Variants in SLX4IP observed in about 807,000 individuals in gnomAD.
SLX4IP encodes protein SLX4IP.
Under a neutral mutation model 32.9 loss-of-function variants are expected in SLX4IP, and 34 were observed. That is an observed-to-expected ratio of 1.03 (90% CI 0.79 to 1.38). The LOEUF is 1.38. Among genes scored for constraint, SLX4IP ranks in the 40% most tolerant of loss-of-function variants. The probability of loss-of-function intolerance (pLI) is 0.00; values close to 1 mark genes in which losing one functional copy is unlikely to be tolerated. For missense variants in SLX4IP, 444 were observed against 479.0 expected (o/e 0.93, Z 0.68); for synonymous variants, 172 against 171.7 (o/e 1.00, Z -0.01).
Position 10,623,072 on chromosome 20 carries a change from A to G in SLX4IP, c.920A>G (p.His307Arg), listed in dbSNP as rs781070119. The change falls in exon 8 of 8, where the codon CAC (histidine) becomes CGC (arginine). Residue 307 changes from histidine (H) to arginine (R), a missense_variant. Physicochemically the swap from His to Arg is conservative, Grantham distance 29. Transcript: ENST00000334534. ...TGCAGCTCTGCGGAAGACTTCGACC[A>G]CCACGGGAGAGTTTCTCTTGGAAGT... ...RNCSSAEDFD[H>R]HGRVSLGSDR... 1.2e-6 allele frequency: 2 copies of G among 1,614,110 alleles called. No homozygotes were observed. The highest frequency in any genetic ancestry group is 1.3e-5 in the African/African-American group (1 of 75,056).
At chr20:10,524,323 G>T (rs933910520) in intron 2 of SLX4IP, among the ~76,000 whole-genome samples, 1 of 152,236 alleles carries the variant, frequency 6.6e-6, no homozygotes, top group Non-Finnish European at 1.5e-5. Context: ...CTCAGGCTCT[G>T]TTTTTGTTCC....
At chr20:10,543,256 G>T (rs925429782) in intron 2 of SLX4IP, among the ~76,000 whole-genome samples, 2 of 152,180 alleles carry the variant, frequency 1.3e-5, no homozygotes, top group African/African-American at 4.8e-5. Context: ...CAACGTTTTT[G>T]ACCTGAACTG....
chr20:10,486,048 G>A (rs1299514146), intron 2 of SLX4IP, among the ~76,000 whole-genome samples: 2 of 152,144 alleles, frequency 1.3e-5, no homozygotes, highest in Middle Eastern at 3.4e-3. Context: ...AAAAATCTAG[G>A]TACAAATGGA....
intron 4 of SLX4IP, among the ~76,000 whole-genome samples, chr20:10,594,901 C>T (rs1600139849): frequency 6.6e-6 from 1 of 152,196 alleles, no homozygotes; most frequent in Admixed American, 6.5e-5. Flanking sequence ...ACCACCTCTC[C>T]ATTTTTTTTA....
At position 10,623,264 on chromosome 20, in the gene SLX4IP, T is replaced by C. The variant is rs762660848; in HGVS notation, c.1112T>C (p.Met371Thr). The C allele has an allele frequency of 1.9e-6, 3 of 1,614,018 alleles. No individual in the cohort carries two copies. The highest frequency in any genetic ancestry group is 2.7e-5 in the African/African-American group (2 of 74,892). ...GAAAGTCTCTCCTCCAGACATCTTA[T>C]GAAAAATAACCCAGGGCAGGCACAG... ...VLESLSSRHLMKNNPGQAQQT... is the reference protein window; with the variant it reads ...VLESLSSRHLTKNNPGQAQQT... Residue 371 changes from methionine to threonine, a missense_variant, in exon 8 of 8, where the codon ATG becomes ACG. By Grantham distance (81) the Met-to-Thr change is moderately conservative. Coordinates refer to ENST00000334534, the MANE Select transcript of SLX4IP (RefSeq NM_001009608.3).
intron 6 of SLX4IP, chr20:10,614,112 T>C: frequency 6.6e-7 from 1 of 1,521,590 alleles, no homozygotes; most frequent in South Asian, 1.2e-5. Context: ...GGACACCTTG[T>C]GGTAGCCTCG....
rs148713535 is a variant in SLX4IP at position 10,477,308 on chromosome 20, G to T, written c.27+19077G>T. Among the ~76,000 whole-genome samples the T allele has an allele frequency of 9.9e-3, 1,511 of 152,218 alleles. 31 individuals are homozygous for T. The highest frequency in any genetic ancestry group is 0.034 in the African/African-American group (1,428 of 41,524). ...TTACAGGTATGCACCACCACGCCTG[G>T]CTAATTTTTGTATTTTTAGTAGAGA... On this transcript the variant is annotated intron_variant, in intron 2 of 7. Transcript: ENST00000334534.
intron 1 of SLX4IP, among the ~76,000 whole-genome samples, chr20:10,440,893 A>T (rs2065155358): frequency 6.6e-6 from 1 of 152,188 alleles, no homozygotes; most frequent in Non-Finnish European, 1.5e-5. Flanking sequence ...CTGAGCATCC[A>T]CTGTGTATCA....
At chr20:10,608,189 AG>A (rs1345247358) in intron 6 of SLX4IP, among the ~76,000 whole-genome samples, 1 of 152,138 alleles carries the variant, frequency 6.6e-6, no homozygotes, top group Non-Finnish European at 1.5e-5. Flanking sequence ...AAGGGATTTG[AG>A]TTAAAATGTA....
At chr20:10,551,803 A>AGGTGC (rs1426935469) in intron 2 of SLX4IP, among the ~76,000 whole-genome samples, 1 of 152,166 alleles carries the variant, frequency 6.6e-6, no homozygotes, top group East Asian at 1.9e-4. Context: ...CCAAGGATGA[A>AGGTGC]AACGTCAGGT....
At chr20:10,571,496 CCCT>C (rs755632590) in intron 4 of SLX4IP, among the ~76,000 whole-genome samples, 265 of 152,132 alleles carry the variant, frequency 1.7e-3, no homozygotes, top group Non-Finnish European at 2.8e-3. Flanking sequence ...CCTGTGTGTG[CCCT>C]CCTCATCCTC....
intron 2 of SLX4IP, among the ~76,000 whole-genome samples, chr20:10,489,324 C>T (rs78655953): frequency 0.017 from 2,599 of 152,166 alleles, 36 homozygotes; most frequent in Non-Finnish European, 0.024. Flanking sequence ...CACCACCCCC[C>T]TCTTCACCAG....
Position 10,456,587 on chromosome 20 carries a change from G to A in SLX4IP, c.-29-1589G>A, listed in dbSNP as rs146738067. The stretch of plus-strand genomic sequence containing the variant: ...GAACTCCTGACCTCGTGATCTACCC[G>A]CCTCGGCCTCCCAAAGTGCTGAGAT... On this transcript the variant is annotated intron_variant, in intron 1 of 7. Coordinates refer to ENST00000334534, the MANE Select transcript of SLX4IP (RefSeq NM_001009608.3). Among the ~76,000 whole-genome samples, 6 of 152,206 alleles carry A rather than the reference G, an allele frequency of 3.9e-5. No homozygotes were observed. The South Asian group carries it at 6.2e-4, about 16-fold the overall frequency.
chr20:10,480,267 C>G (rs1246930240), intron 2 of SLX4IP, among the ~76,000 whole-genome samples: 1 of 151,992 alleles, frequency 6.6e-6, no homozygotes, highest in Non-Finnish European at 1.5e-5. Flanking sequence ...TGGTGGCATG[C>G]ACCTGTGGTC....
intron 2 of SLX4IP, among the ~76,000 whole-genome samples, chr20:10,501,091 T>C (rs1305321602): frequency 6.6e-6 from 1 of 152,196 alleles, no homozygotes; most frequent in Non-Finnish European, 1.5e-5. Flanking sequence ...GAATTACACC[T>C]GAAAATAAAT....
At chr20:10,555,441 C>T (rs2066256999) in intron 2 of SLX4IP, among the ~76,000 whole-genome samples, 1 of 152,182 alleles carries the variant, frequency 6.6e-6, no homozygotes, top group African/African-American at 2.4e-5. Context: ...CCACTAGCTA[C>T]ATGTAGCTAC....
chr20:10,583,677 A>C (rs996933768), intron 4 of SLX4IP, among the ~76,000 whole-genome samples: 13 of 152,254 alleles, frequency 8.5e-5, no homozygotes, highest in Admixed American at 2.6e-4. Flanking sequence ...TTTCTGTTGC[A>C]TCTCATCTGG....
At chr20:10,436,973 A>G (rs548187447) in intron 1 of SLX4IP, among the ~76,000 whole-genome samples, 35 of 151,390 alleles carry the variant, frequency 2.3e-4, no homozygotes, top group African/African-American at 7.0e-4. Context: ...CATATCTTGT[A>G]TGCATATTTG....
intron 2 of SLX4IP, among the ~76,000 whole-genome samples, chr20:10,547,105 G>A (rs894625037): frequency 1.3e-4 from 20 of 152,096 alleles, no homozygotes; most frequent in African/African-American, 4.8e-4. Flanking sequence ...TCTTACCCAG[G>A]GAGACTGTGA....
Sources: gnomAD v4.1 joint callset for allele counts (sites outside exome capture counted in the v4.1 genomes callset) on GRCh38, gnomAD v4.1.1 for gene constraint, MANE v1.5 for transcripts, NCBI Gene and HGNC (gene_info 2026-07-23, HGNC 2026-07-21) for gene names.